The following NTRK3 variants were observed in gnomAD, a reference collection of about 807,000 sequenced individuals.
NTRK3 encodes the protein NT-3 growth factor receptor.
NTRK3 carries 24 observed loss-of-function variants against 91.7 expected under a neutral mutation model. The observed-to-expected ratio is 0.26, with a 90% CI of 0.19 to 0.37. The LOEUF (loss-of-function observed/expected upper bound fraction) is 0.37, where lower values mean the gene tolerates loss of function less well. NTRK3 is among the 10% of genes least tolerant of loss of function. NTRK3 has a pLI of 1.00. For synonymous variants in NTRK3, 483 were observed against 404.0 expected, an observed-to-expected ratio of 1.20 and a Z score of -2.34; for missense variants, 880 against 1,068.9, an observed-to-expected ratio of 0.82 and a Z score of 2.46.
At chr15:87,944,420 C>T (rs1259751616) in intron 14 of NTRK3, among the ~76,000 whole-genome samples, 4 of 152,226 alleles carry the variant, frequency 2.6e-5, no homozygotes, top group African/African-American at 7.2e-5. Context: ...GTGTGTTCAA[C>T]ACTTGATTCT....
intron 17 of NTRK3, among the ~76,000 whole-genome samples, chr15:87,905,446 G>C (rs1033317047): frequency 1.3e-5 from 2 of 151,986 alleles, no homozygotes; most frequent in African/African-American, 4.8e-5. Context: ...AAAACAACAG[G>C]TTACCTATTT....
At chr15:88,161,269 A>G (rs2044429025) in intron 5 of NTRK3, among the ~76,000 whole-genome samples, 1 of 152,192 alleles carries the variant, frequency 6.6e-6, no homozygotes, top group Admixed American at 6.5e-5. Flanking sequence ...ATTACAGAGC[A>G]AGTGAGTTAG....
intron 3 of NTRK3, among the ~76,000 whole-genome samples, chr15:88,226,100 C>G (rs992578387): frequency 1.3e-5 from 2 of 152,180 alleles, no homozygotes; most frequent in African/African-American, 4.8e-5. Flanking sequence ...TGTGCAACAC[C>G]AGGCAAGTCC....
intron 17 of NTRK3, among the ~76,000 whole-genome samples, chr15:87,905,222 G>A (rs1394470921): frequency 1.3e-5 from 2 of 152,176 alleles, no homozygotes; most frequent in Admixed American, 6.5e-5. Flanking sequence ...GTCTTGACAT[G>A]CATAGAGACC....
At chr15:87,956,169 A>G (rs1010737030) in intron 14 of NTRK3, among the ~76,000 whole-genome samples, 3 of 152,186 alleles carry the variant, frequency 2.0e-5, no homozygotes, top group Non-Finnish European at 2.9e-5. Flanking sequence ...CAACAGTCAG[A>G]TGGAAACTGA....
In NTRK3 at chr15:88,117,364, C is replaced by T. The variant is rs76406383; in HGVS notation, c.1396+8907G>A. Reference sequence around the variant, plus strand: ...GTAGGTACTCAATGAATGTTTGATGCCTGTCACTCTCTTCCCCTACTATGA... The same window carrying T: ...GTAGGTACTCAATGAATGTTTGATGTCTGTCACTCTCTTCCCCTACTATGA... On this transcript the variant is annotated intron_variant, in intron 13 of 18. Transcript: ENST00000394480. 7.3e-3 allele frequency among the ~76,000 whole-genome samples: 1,118 copies of T among 152,218 alleles called. 15 individuals carry two copies. The highest frequency in any genetic ancestry group is 0.025 in the African/African-American group (1,058 of 41,548).
chr15:88,089,719 T>C (rs2048839264), intron 13 of NTRK3, among the ~76,000 whole-genome samples: 2 of 152,172 alleles, frequency 1.3e-5, no homozygotes, highest in Non-Finnish European at 2.9e-5. Context: ...GGGCACAACC[T>C]GTGCTACTGG....
chr15:87,907,167 C>A (rs1227932664), intron 17 of NTRK3, among the ~76,000 whole-genome samples: 2 of 152,100 alleles, frequency 1.3e-5, no homozygotes, highest in Non-Finnish European at 2.9e-5. Flanking sequence ...TTTAATGCAA[C>A]CTGTCAGTTC....
intron 14 of NTRK3, among the ~76,000 whole-genome samples, chr15:87,951,750 G>A (rs1041556255): frequency 7.2e-5 from 11 of 152,190 alleles, no homozygotes; most frequent in African/African-American, 2.7e-4. Flanking sequence ...GCTTCTGAAG[G>A]AAATGGAAGG....
chr15:88,117,717 T>C (rs1388952611), intron 13 of NTRK3, among the ~76,000 whole-genome samples: 1 of 152,264 alleles, frequency 6.6e-6, no homozygotes, highest in African/African-American at 2.4e-5. Flanking sequence ...TGTTTCCCTC[T>C]GGCTTGTGGT....
intron 14 of NTRK3, among the ~76,000 whole-genome samples, chr15:87,962,379 T>C (rs2072383237): frequency 6.6e-6 from 1 of 152,148 alleles, no homozygotes; most frequent in African/African-American, 2.4e-5. Context: ...CCATCCATGC[T>C]CACCCCTAGA....
At chr15:88,221,772 G>A (rs1181938514) in intron 3 of NTRK3, among the ~76,000 whole-genome samples, 1 of 152,194 alleles carries the variant, frequency 6.6e-6, no homozygotes, top group Non-Finnish European at 1.5e-5. Flanking sequence ...GGAGGTGGGA[G>A]GGGGGCTTGT....
intron 5 of NTRK3, among the ~76,000 whole-genome samples, chr15:88,159,675 T>A (rs996764861): frequency 6.6e-6 from 1 of 152,064 alleles, no homozygotes; most frequent in Non-Finnish European, 1.5e-5. Context: ...TGAAAAGAGA[T>A]GCCCTGTCAG....
intron 3 of NTRK3, among the ~76,000 whole-genome samples, chr15:88,250,380 C>T (rs928369308): frequency 6.6e-6 from 1 of 152,144 alleles, no homozygotes. Context: ...CTTTTATATG[C>T]CAAGCAACTG....
chr15:88,136,623 A>T lies in NTRK3; in HGVS notation c.623-14T>A. The T allele has an allele frequency of 6.2e-7, 1 of 1,610,450 alleles. No individual in the cohort carries two copies. Among genetic ancestry groups the T allele is most frequent in the Non-Finnish European group, 8.5e-7 (1 of 1,179,012 alleles). ...TCTCAGGAAGGTCTGGGAGCCAGAC[A>T]AAGTGGGTGAAAAGACAGGCAAACA... On this transcript the variant is annotated splice_polypyrimidine_tract_variant and intron_variant, in intron 7 of 18. Transcript: ENST00000394480.
chr15:87,949,429 G>C (rs913603007), intron 14 of NTRK3, among the ~76,000 whole-genome samples: 1 of 151,988 alleles, frequency 6.6e-6, no homozygotes, highest in Admixed American at 6.6e-5. Flanking sequence ...CCTTAGGCTA[G>C]AGGTAGCAGT....
chr15:88,037,980 TG>T (rs993450016), intron 13 of NTRK3, among the ~76,000 whole-genome samples: 33 of 152,324 alleles, frequency 2.2e-4, no homozygotes, highest in Admixed American at 1.8e-3. Context: ...CTCCGGAGCC[TG>T]TGCTCATAAC....
At chr15:88,062,172 G>C (rs985981139) in intron 13 of NTRK3, among the ~76,000 whole-genome samples, 1 of 152,136 alleles carries the variant, frequency 6.6e-6, no homozygotes, top group Non-Finnish European at 1.5e-5. Flanking sequence ...TCAGGGACTT[G>C]AGCATCCATC....
At chr15:88,033,009 G>A (rs2142022827) in exon 14 of NTRK3, 3 of 1,603,944 alleles carry the variant, frequency 1.9e-6, no homozygotes, top group East Asian at 2.2e-5. Context: ...CAGTGGGCTG[G>A]CTGAGTCCTC....
Sources: gnomAD v4.1 joint callset for allele counts (sites outside exome capture counted in the v4.1 genomes callset) on GRCh38, gnomAD v4.1.1 for gene constraint, MANE v1.5 for transcripts, NCBI Gene and HGNC (gene_info 2026-07-23, HGNC 2026-07-21) for gene names.